GLIS3: variants seen among roughly 807,000 people sequenced by gnomAD.
GLIS3 encodes the protein GLIS family zinc finger 3.
In GLIS3, 53 loss-of-function variants were observed where a neutral mutation model predicts 78.6. The ratio of observed to expected loss-of-function variants is 0.67; its 90% CI spans 0.54 to 0.85. The LOEUF (loss-of-function observed/expected upper bound fraction) is 0.85. Ranked by LOEUF, GLIS3 falls within the 40% of genes least tolerant of loss-of-function variation. The pLI is 0.00. For synonymous variants in GLIS3, 684 were observed against 509.9 expected, an observed-to-expected ratio of 1.34 and a Z score of -4.60; for missense variants, 1,703 against 1,231.1, an observed-to-expected ratio of 1.38 and a Z score of -5.74.
At chr9:4,273,596 TA>T (rs1826717675) in intron 2 of GLIS3, among the ~76,000 whole-genome samples, 1 of 82,802 alleles carries the variant, frequency 1.2e-5, no homozygotes, top group African/African-American at 4.1e-5. Context: ...TTATCATAAA[TA>T]AATAAATAAA....
intron 4 of GLIS3, among the ~76,000 whole-genome samples, chr9:4,045,265 C>G (rs956379448): frequency 2.6e-5 from 4 of 152,158 alleles, no homozygotes; most frequent in African/African-American, 7.2e-5. Context: ...GATGTACACA[C>G]TGGACCTTGT....
At chr9:4,149,315 G>C (rs535204073) in intron 2 of GLIS3, among the ~76,000 whole-genome samples, 20 of 152,226 alleles carry the variant, frequency 1.3e-4, no homozygotes, top group African/African-American at 4.6e-4. Flanking sequence ...GAAAACTAAG[G>C]CTTGAAGACC....
Position 3,864,359 on chromosome 9 carries a change from G to C in GLIS3, c.2298-8175C>G, listed in dbSNP as rs149642971. Among the ~76,000 whole-genome samples, 102 of 152,226 alleles carry C rather than the reference G, an allele frequency of 6.7e-4. 1 individual carries two copies. The highest frequency in any genetic ancestry group is 2.4e-3 in the African/African-American group (100 of 41,554). On this transcript the variant is annotated intron_variant, in intron 8 of 10. Coordinates refer to ENST00000381971, the MANE Select transcript of GLIS3 (RefSeq NM_001042413.2). ...ATGAGAATGTCAGATGAGAAACAAG[G>C]CAAAAAATCAGTGTTATTTTTGTCT... is the stretch of plus-strand genomic sequence containing the variant.
chr9:4,289,046 G>A (rs923805446), intron 1 of GLIS3, among the ~76,000 whole-genome samples: 2 of 151,976 alleles, frequency 1.3e-5, no homozygotes, highest in Admixed American at 6.5e-5. Flanking sequence ...ATAATCCTAA[G>A]TCTCCTTGGT....
chr9:4,207,135 A>G (rs1272221629), intron 2 of GLIS3, among the ~76,000 whole-genome samples: 1 of 152,156 alleles, frequency 6.6e-6, no homozygotes, highest in African/African-American at 2.4e-5. Flanking sequence ...GTATGTGGAG[A>G]ATAATCCATA....
At chr9:4,014,460 T>G (rs777932927) in intron 4 of GLIS3, among the ~76,000 whole-genome samples, 4 of 152,094 alleles carry the variant, frequency 2.6e-5, no homozygotes, top group Non-Finnish European at 5.9e-5. Flanking sequence ...ATGAATGGTG[T>G]TTTTATAAGA....
chr9:4,186,368 T>C (rs1817796507), intron 2 of GLIS3, among the ~76,000 whole-genome samples: 1 of 152,068 alleles, frequency 6.6e-6, no homozygotes, highest in African/African-American at 2.4e-5. Flanking sequence ...ATGGTGTATA[T>C]GTGCCACATT....
chr9:3,958,901 A>C (rs370249132), intron 4 of GLIS3, among the ~76,000 whole-genome samples: 1 of 152,230 alleles, frequency 6.6e-6, no homozygotes, highest in African/African-American at 2.4e-5. Flanking sequence ...GGAGGAAGCC[A>C]TAAGAGAATA....
At chr9:4,439,257 A>G in the GLIS3 span, among the ~76,000 whole-genome samples, 7 of 152,232 alleles carry the variant, frequency 4.6e-5, no homozygotes, top group Non-Finnish European at 7.3e-5. Flanking sequence ...TTATTGAGAT[A>G]TAATTCACGT....
intron 4 of GLIS3, among the ~76,000 whole-genome samples, chr9:3,992,987 G>A (rs555748954): frequency 1.3e-5 from 2 of 152,192 alleles, no homozygotes; most frequent in African/African-American, 4.8e-5. Flanking sequence ...AACCAGCTAA[G>A]GCTCTCAGTA....
At chr9:4,230,774 G>C (rs1587064776) in intron 2 of GLIS3, among the ~76,000 whole-genome samples, 2 of 152,286 alleles carry the variant, frequency 1.3e-5, no homozygotes, top group South Asian at 4.1e-4. Context: ...TATCTCTCAA[G>C]TTCAAAATGA....
chr9:4,255,758 A>G (rs1824871899), intron 2 of GLIS3, among the ~76,000 whole-genome samples: 1 of 152,092 alleles, frequency 6.6e-6, no homozygotes, highest in South Asian at 2.1e-4. Flanking sequence ...GGGCAGTGAA[A>G]CTATTCTATA....
At chr9:4,320,024 TGC>T (rs1415418295) in intron 2 of GLIS3, among the ~76,000 whole-genome samples, 3 of 55,300 alleles carry the variant, frequency 5.4e-5, no homozygotes, top group Non-Finnish European at 5.7e-5. Flanking sequence ...TGTGTGTGTG[TGC>T]GCGCGCACAA....
chr9:4,442,576 G>A, the GLIS3 span, among the ~76,000 whole-genome samples: 4 of 151,734 alleles, frequency 2.6e-5, no homozygotes, highest in African/African-American at 4.8e-5. Flanking sequence ...TTTCATTTTT[G>A]TTGCTTTTGT....
intron 4 of GLIS3, among the ~76,000 whole-genome samples, chr9:4,085,099 A>G (rs947529629): frequency 6.6e-6 from 1 of 152,144 alleles, no homozygotes; most frequent in Admixed American, 6.5e-5. Flanking sequence ...AAATGAAGGA[A>G]TGGATAAATA....
chr9:3,830,607 G>GA (rs1040547252), intron 9 of GLIS3, among the ~76,000 whole-genome samples: 5 of 151,944 alleles, frequency 3.3e-5, no homozygotes, highest in African/African-American at 4.8e-5. Context: ...GGTTTTGATG[G>GA]AAAAAAAGGG....
At chr9:3,881,848 A>AAATC (rs766455051) in intron 7 of GLIS3, among the ~76,000 whole-genome samples, 39 of 152,352 alleles carry the variant, frequency 2.6e-4, no homozygotes, top group Non-Finnish European at 2.1e-4. Flanking sequence ...CTATTAGTAT[A>AAATC]AATCATTGGA....
intron 2 of GLIS3, among the ~76,000 whole-genome samples, chr9:4,339,345 C>T (rs1587393914): frequency 6.6e-6 from 1 of 152,116 alleles, no homozygotes; most frequent in Non-Finnish European, 1.5e-5. Flanking sequence ...CAAAGACAGC[C>T]GATGAATTGT....
the GLIS3 span, among the ~76,000 whole-genome samples, chr9:4,434,963 G>T: frequency 6.6e-6 from 1 of 152,178 alleles, no homozygotes; most frequent in Non-Finnish European, 1.5e-5. Flanking sequence ...TTATACTCAA[G>T]AAATAAAACA....
Sources: allele counts gnomAD v4.1 joint callset (sites outside exome capture counted in the v4.1 genomes callset), GRCh38; gene constraint gnomAD v4.1.1; transcripts MANE v1.5; gene names NCBI Gene and HGNC (gene_info 2026-07-23, HGNC 2026-07-21).